The following PUM2 variants were observed in gnomAD, a reference collection of about 807,000 sequenced individuals.
PUM2 encodes the protein pumilio homolog 2.
PUM2 carries 57 observed loss-of-function variants against 124.5 expected under a neutral mutation model. The observed-to-expected ratio is 0.46, with a 90% CI of 0.37 to 0.57. The LOEUF is 0.57. Ranked by LOEUF, PUM2 falls within the 20% of genes least tolerant of loss-of-function variation. The probability of loss-of-function intolerance (pLI) is 0.00; values close to 1 mark genes in which losing one functional copy is unlikely to be tolerated. For synonymous variants in PUM2, 460 were observed against 446.1 expected (o/e 1.03, Z -0.39); for missense variants, 1,065 against 1,290.6 (o/e 0.83, Z 2.68).
chr2:20,251,210 G>A lies in PUM2; in HGVS notation c.*375C>T, dbSNP rs988646708. 4.0e-5 allele frequency: 7 copies of A among 174,226 alleles called. No individual in the cohort carries two copies. Among genetic ancestry groups the A allele is most frequent in the Non-Finnish European group, 8.6e-5 (7 of 81,208 alleles). 10.8% of individuals were successfully genotyped at this position (174,226 alleles called of 1,614,324 possible). Reference sequence around the variant, plus strand: ...GGGTTGTAGACCTACCAGACTGTGAGCCAGTTTATTAAAAGAATACTGTAC... The same window carrying A: ...GGGTTGTAGACCTACCAGACTGTGAACCAGTTTATTAAAAGAATACTGTAC... On this transcript the variant is annotated 3_prime_UTR_variant, in exon 21 of 21. Coordinates refer to ENST00000361078, the MANE Select transcript of PUM2 (RefSeq NM_015317.5).
chr2:20,272,282 CCTCTTA>C (rs1669235277), intron 13 of PUM2, among the ~76,000 whole-genome samples: 1 of 152,176 alleles, frequency 6.6e-6, no homozygotes, highest in African/African-American at 2.4e-5. Context: ...TTTGGTTCTG[CCTCTTA>C]CTAACTTCAT....
At chr2:20,336,178 T>G (rs1391128283) in intron 1 of PUM2, among the ~76,000 whole-genome samples, 1 of 143,290 alleles carries the variant, frequency 7.0e-6, no homozygotes, top group Non-Finnish European at 1.5e-5. Flanking sequence ...ACAAAAAGCG[T>G]TTTTTTGTTT....
chr2:20,329,801 G>C (rs531049681), intron 1 of PUM2, among the ~76,000 whole-genome samples: 1 of 152,280 alleles, frequency 6.6e-6, no homozygotes, highest in South Asian at 2.1e-4. Context: ...TTCTGATTTA[G>C]TTGGGTGTTA....
intron 13 of PUM2, among the ~76,000 whole-genome samples, chr2:20,271,363 G>C (rs1006597540): frequency 2.6e-5 from 4 of 152,122 alleles, no homozygotes; most frequent in African/African-American, 9.7e-5. Flanking sequence ...GCCCAGGCTG[G>C]AATGCAGTGG....
Position 20,296,780 on chromosome 2 carries a change from A to G in PUM2, c.1009+773T>C, listed in dbSNP as rs574056889. 2.6e-5 allele frequency among the ~76,000 whole-genome samples: 4 copies of G among 152,096 alleles called. No homozygotes were observed. In the South Asian group the frequency reaches 6.2e-4, roughly 24 times the overall value. ...TTGTAGCCACCTCAACCTAAAACAA[A>G]CTCTTCCCAAGAACCCCAACTAAGA... On this transcript the variant is annotated intron_variant, in intron 8 of 20. Transcript: ENST00000361078.
At chr2:20,324,297 C>T (rs1378115248) in intron 2 of PUM2, among the ~76,000 whole-genome samples, 4 of 152,168 alleles carry the variant, frequency 2.6e-5, no homozygotes, top group African/African-American at 9.7e-5. Context: ...TCCACTTCAC[C>T]ACACTACATA....
chr2:20,333,731 A>G (rs1023379510), intron 1 of PUM2, among the ~76,000 whole-genome samples: 3 of 152,222 alleles, frequency 2.0e-5, no homozygotes, highest in East Asian at 3.9e-4. Flanking sequence ...CTTGCAACAT[A>G]GCGAGACCCT....
At chr2:20,302,686 A>T (rs1185149894) in intron 7 of PUM2, among the ~76,000 whole-genome samples, 1 of 152,210 alleles carries the variant, frequency 6.6e-6, no homozygotes, top group Non-Finnish European at 1.5e-5. Context: ...TAATTGTTTT[A>T]AAAAACTGAA....
At chr2:20,277,222 A>G (rs891936989) in intron 13 of PUM2, among the ~76,000 whole-genome samples, 3 of 152,140 alleles carry the variant, frequency 2.0e-5, no homozygotes, top group Admixed American at 6.6e-5. Context: ...TAAGTCTTAG[A>G]TTTGTTGTGT....
chr2:20,333,507 A>C (rs1394374025), intron 1 of PUM2, among the ~76,000 whole-genome samples: 2 of 152,192 alleles, frequency 1.3e-5, no homozygotes, highest in East Asian at 3.9e-4. Context: ...ACCCTGTCTC[A>C]AAAAAAGAAA....
At chr2:20,272,220 T>A (rs971517914) in intron 13 of PUM2, among the ~76,000 whole-genome samples, 2 of 152,156 alleles carry the variant, frequency 1.3e-5, no homozygotes, top group Non-Finnish European at 2.9e-5. Context: ...AAAGCATCCT[T>A]TGAGAAGCAG....
Position 20,312,224 on chromosome 2 carries a change from C to A in PUM2, c.348+12G>T. ...AGCAAATATTAAATATTTCTTTATT[C>A]AAAATACTTACAAAATTTCCCTTCC... is the stretch of plus-strand genomic sequence containing the variant. On this transcript the variant is annotated intron_variant, in intron 4 of 20. Transcript: ENST00000361078. The A allele has an allele frequency of 1.3e-6, 2 of 1,560,492 alleles. No homozygotes were observed. Among genetic ancestry groups the A allele is most frequent in the South Asian group, 2.3e-5 (2 of 87,130 alleles).
At chr2:20,267,026 C>CTTTTTTTTTTTTTTTTTTTTTT (rs373222999) in intron 13 of PUM2, among the ~76,000 whole-genome samples, 2 of 142,812 alleles carry the variant, frequency 1.4e-5, no homozygotes, top group South Asian at 4.5e-4. Context: ...ATGCCTGTAA[C>CTTTTTTTTTTTTTTTTTTTTTT]TTTTTTTTTT....
chr2:20,296,451 T>G (rs551938818), intron 8 of PUM2, among the ~76,000 whole-genome samples: 87 of 150,568 alleles, frequency 5.8e-4, no homozygotes, highest in African/African-American at 1.9e-3. Flanking sequence ...GCCGAGATCG[T>G]GCCACTGCAC....
intron 15 of PUM2, 84 bp downstream of exon 15, chr2:20,260,253 C>T (rs910440998): frequency 7.4e-7 from 1 of 1,346,144 alleles, no homozygotes; most frequent in East Asian, 2.4e-5. Context: ...ATGAAAATGA[C>T]TTTACCCAAC....
intron 9 of PUM2, among the ~76,000 whole-genome samples, chr2:20,292,260 G>A (rs1674320469): frequency 1.3e-5 from 2 of 149,528 alleles, no homozygotes; most frequent in African/African-American, 4.9e-5. Context: ...GAGCCCCAGA[G>A]CTTAGCGCCG....
chr2:20,311,709 A>C (rs1232543400), intron 4 of PUM2, 46 bp from the exon 5 acceptor site: 2 of 1,539,344 alleles, frequency 1.3e-6, no homozygotes, highest in Middle Eastern at 1.7e-4. Flanking sequence ...AATAGAACAC[A>C]AAAAAAAGGC....
chr2:20,267,751 T>C (rs900022646), intron 13 of PUM2, among the ~76,000 whole-genome samples: 4 of 152,188 alleles, frequency 2.6e-5, no homozygotes, highest in African/African-American at 9.7e-5. Flanking sequence ...GTATGGGACA[T>C]GCAGCTAGTC....
chr2:20,331,295 A>G (rs946141396), intron 1 of PUM2, among the ~76,000 whole-genome samples: 1 of 132,056 alleles, frequency 7.6e-6, no homozygotes, highest in Non-Finnish European at 1.7e-5. Flanking sequence ...AACGTTACCA[A>G]TGGAATTTAA....
Sources: gnomAD v4.1 joint callset for allele counts (sites outside exome capture counted in the v4.1 genomes callset) on GRCh38, gnomAD v4.1.1 for gene constraint, MANE v1.5 for transcripts, NCBI Gene and HGNC (gene_info 2026-07-23, HGNC 2026-07-21) for gene names.